Variants in DYSF observed in about 807,000 individuals in gnomAD.
The protein encoded by DYSF is dysferlin, also known as dystrophy-associated fer-1-like 1.
Under a neutral mutation model 274.9 loss-of-function variants are expected in DYSF, and 212 were observed. That is an observed-to-expected ratio of 0.77 (90% CI 0.69 to 0.86). The LOEUF is 0.86. Ranked by LOEUF, DYSF falls within the 40% of genes least tolerant of loss-of-function variation. The probability of loss-of-function intolerance (pLI) is 0.00; values close to 1 mark genes in which losing one functional copy is unlikely to be tolerated. For synonymous variants in DYSF, 1,091 were observed against 1,078.7 expected, an observed-to-expected ratio of 1.01 and a Z score of -0.22; for missense variants, 2,666 against 2,783.2, an observed-to-expected ratio of 0.96 and a Z score of 0.95.
chr2:71,541,915 A>G (rs887871885), intron 17 of DYSF, among the ~76,000 whole-genome samples: 4 of 152,172 alleles, frequency 2.6e-5, no homozygotes, highest in South Asian at 2.1e-4. Context: ...ATTTTAATCT[A>G]TCTTGGTACA....
chr2:71,570,644 A>C lies in DYSF; in HGVS notation c.3131A>C (p.His1044Pro), dbSNP rs2092365476. Reference sequence around the variant, plus strand: ...ATCCCCCCGGAGCGGAAGCCGAAGCACTGGGTCCCTGCTGAGAAGATGTAC... The same window carrying C: ...ATCCCCCCGGAGCGGAAGCCGAAGCCCTGGGTCCCTGCTGAGAAGATGTAC... ...ITIPPERKPK[H>P]WVPAEKMYYT... Residue 1044 changes from histidine to proline, a missense_variant, in exon 29 of 56, where the codon CAC becomes CCC. Physicochemically the swap from His to Pro is moderately conservative, Grantham distance 77. Transcript: ENST00000410020. The C allele has an allele frequency of 1.4e-5, 22 of 1,614,102 alleles. No homozygotes were observed. The East Asian group carries it at 1.8e-4, about 13-fold the overall frequency.
At chr2:71,478,967 C>T (rs1006961496) in intron 1 of DYSF, among the ~76,000 whole-genome samples, 1 of 152,032 alleles carries the variant, frequency 6.6e-6, no homozygotes, top group African/African-American at 2.4e-5. Flanking sequence ...CAGGAGGCTG[C>T]ACCTCTCCAG....
chr2:71,642,960 C>T (rs897908273), intron 41 of DYSF, among the ~76,000 whole-genome samples: 2 of 152,170 alleles, frequency 1.3e-5, no homozygotes, highest in African/African-American at 4.8e-5. Context: ...AGGAGGAAAG[C>T]GAGTTCCAGA....
rs2081565116 is a variant in DYSF, at chr2:71,466,806, T to C, written c.-37T>C. The C allele has an allele frequency of 2.0e-6, 3 of 1,492,014 alleles. No homozygotes were observed. In the Admixed American group the frequency reaches 6.2e-5, roughly 31 times the overall value. The allele number at this position is 1,492,014 out of a possible 1,614,324, so 92.4% of individuals were successfully genotyped here. On this transcript the variant is annotated 5_prime_UTR_variant, in exon 1 of 56. Coordinates refer to ENST00000410020, the MANE Select transcript of DYSF (RefSeq NM_001130987.2). ...GGGCCCGGTGCTCCCGCTCCCGCCC[T>C]GACTGCGCGCCTGTGTGCCGCCGGG...
Position 71,466,816 on chromosome 2 carries a change from C to T in DYSF, c.-27C>T. 6.6e-7 allele frequency: 1 copy of T among 1,503,810 alleles called. No individual in the cohort carries two copies. The highest frequency in any genetic ancestry group is 9.0e-7 in the Non-Finnish European group (1 of 1,113,230). 93.2% of individuals were successfully genotyped at this position (1,503,810 alleles called of 1,614,324 possible). A position where few individuals can be genotyped will look rare whatever the true frequency, so the allele number is the denominator to read the frequency against. On this transcript the variant is annotated 5_prime_UTR_variant, in exon 1 of 56. Coordinates refer to ENST00000410020, the MANE Select transcript of DYSF (RefSeq NM_001130987.2). ...CTCCCGCTCCCGCCCTGACTGCGCG[C>T]CTGTGTGCCGCCGGGGCTGCCCAGC...
At chr2:71,557,141 A>G (rs1204473730) in intron 22 of DYSF, among the ~76,000 whole-genome samples, 2 of 152,224 alleles carry the variant, frequency 1.3e-5, no homozygotes, top group Non-Finnish European at 2.9e-5. Context: ...ATACTGACAA[A>G]GGTACAACTT....
At chr2:71,667,629 T>C in intron 48 of DYSF, 114 bp downstream of exon 48, 1 of 1,470,406 alleles carries the variant, frequency 6.8e-7, no homozygotes, top group Non-Finnish European at 9.3e-7. Flanking sequence ...TGGTCAATCC[T>C]TCCTTGACCC....
At position 71,539,207 on chromosome 2, in the gene DYSF, C is replaced by T. The variant is rs139258703; in HGVS notation, c.1544C>T (p.Ser515Leu). The T allele has an allele frequency of 2.4e-5, 39 of 1,613,942 alleles. No individual in the cohort carries two copies. Among genetic ancestry groups the T allele is most frequent in the Middle Eastern group, 1.6e-4 (1 of 6,082 alleles). The change falls in exon 17 of 56, where the codon TCG becomes TTG. Residue 515 changes from serine to leucine, a missense_variant. Around this residue, in one of 3 missense-constraint regions of DYSF, gnomAD observed 794 missense variants for 777.1 expected, o/e 1.02. Transcript: ENST00000410020. Reference sequence around the variant, plus strand: ...GTGGCTACCACCTACCTGAGTATGTCGAAAATCTCTGCCCCTGGAGGAGAA... The same window carrying T: ...GTGGCTACCACCTACCTGAGTATGTTGAAAATCTCTGCCCCTGGAGGAGAA... ...DIVATTYLSM[S>L]KISAPGGEIE... is the part of the protein sequence containing the mutation.
At chr2:71,637,802 A>C (rs1317228663) in intron 41 of DYSF, among the ~76,000 whole-genome samples, 1 of 152,192 alleles carries the variant, frequency 6.6e-6, no homozygotes, top group East Asian at 1.9e-4. Flanking sequence ...AGAAAATATT[A>C]GTTAATATGT....
At chr2:71,587,213 C>A (rs1474801444) in intron 30 of DYSF, among the ~76,000 whole-genome samples, 1 of 152,142 alleles carries the variant, frequency 6.6e-6, no homozygotes, top group Non-Finnish European at 1.5e-5. Context: ...GGGTTGCCAG[C>A]GCTGCAGGGC....
chr2:71,516,773 CAA>C (rs985701353), intron 9 of DYSF, among the ~76,000 whole-genome samples: 3 of 152,050 alleles, frequency 2.0e-5, no homozygotes, highest in African/African-American at 7.3e-5. Flanking sequence ...GTTTTCTGTA[CAA>C]GTCTCTGTGC....
At chr2:71,590,187 C>T in intron 31 of DYSF, 24 bp from the exon 32 acceptor site, 5 of 1,613,814 alleles carry the variant, frequency 3.1e-6, no homozygotes, top group South Asian at 2.2e-5. Flanking sequence ...CACTCTGGCA[C>T]CTCTGTTTTT....
intron 44 of DYSF, among the ~76,000 whole-genome samples, chr2:71,660,187 G>T (rs1474158304): frequency 2.0e-5 from 3 of 152,234 alleles, no homozygotes; most frequent in African/African-American, 7.2e-5. Context: ...GACATAGGCT[G>T]ACCACCCCTC....
In DYSF at chr2:71,561,881, G is replaced by A; in HGVS notation, c.2346G>A (p.Glu782=). ...AALALKLGHS[E]LPAALEQAED... is the part of the protein sequence containing the mutation. ...TGGCCCTGAAGCTCGGCCACAGTGA[G>A]CTCCCTGCAGCTCTGGAGCAGGCGG... Residue 782 remains glutamate, a synonymous_variant, in exon 23 of 56, where the codon GAG becomes GAA. Transcript: ENST00000410020. The A allele has an allele frequency of 6.2e-7, 1 of 1,614,168 alleles. No individual in the cohort carries two copies. The highest frequency in any genetic ancestry group is 8.5e-7 in the Non-Finnish European group (1 of 1,180,020).
chr2:71,559,822 G>T (rs1008994851), intron 22 of DYSF, among the ~76,000 whole-genome samples: 1 of 152,222 alleles, frequency 6.6e-6, no homozygotes, highest in Non-Finnish European at 1.5e-5. Flanking sequence ...CTGAGAGCAG[G>T]GCCAGGTCTC....
upstream of DYSF, among the ~76,000 whole-genome samples, chr2:71,462,485 G>A (rs768808421): frequency 2.0e-4 from 31 of 152,214 alleles, no homozygotes; most frequent in Non-Finnish European, 4.1e-4. Context: ...GCAACATGGC[G>A]AGCAGGGTTG....
At chr2:71,658,058 C>T (rs577735607) in intron 43 of DYSF, among the ~76,000 whole-genome samples, 1 of 152,316 alleles carries the variant, frequency 6.6e-6, no homozygotes, top group East Asian at 1.9e-4. Context: ...CCTTTTAAAA[C>T]AGAATGCTTT....
chr2:71,486,943 G>T (rs1351485341), intron 3 of DYSF, among the ~76,000 whole-genome samples: 1 of 152,184 alleles, frequency 6.6e-6, no homozygotes, highest in Non-Finnish European at 1.5e-5. Context: ...GGGATGTTCA[G>T]CCCAGAAGTT....
At chr2:71,630,540 A>G (rs975933958) in intron 41 of DYSF, among the ~76,000 whole-genome samples, 1 of 152,196 alleles carries the variant, frequency 6.6e-6, no homozygotes, top group Non-Finnish European at 1.5e-5. Context: ...TGTTGGGTCA[A>G]TTTTCTCACG....
Sources: gnomAD v4.1 joint callset for allele counts (sites outside exome capture counted in the v4.1 genomes callset) on GRCh38, gnomAD v4.1.1 for gene constraint, gnomAD v4.1.1 regional missense constraint, MANE v1.5 for transcripts, NCBI Gene and HGNC (gene_info 2026-07-23, HGNC 2026-07-21) for gene names.